Variants in RIMKLB observed in about 807,000 individuals in gnomAD.
RIMKLB encodes beta-citrylglutamate synthase B.
RIMKLB carries 7 observed loss-of-function variants against 32.0 expected under a neutral mutation model. That is an observed-to-expected ratio of 0.22 (90% CI 0.12 to 0.41). The LOEUF is 0.41. RIMKLB is among the 10% of genes least tolerant of loss of function. The probability of loss-of-function intolerance (pLI) is 1.00; values close to 1 mark genes in which losing one functional copy is unlikely to be tolerated. For missense variants in RIMKLB, 289 were observed against 498.7 expected, an observed-to-expected ratio of 0.58 and a Z score of 4.00; for synonymous variants, 172 against 185.1, an observed-to-expected ratio of 0.93 and a Z score of 0.57.
At chr12:8,743,615 C>CCA (rs914649070) in intron 2 of RIMKLB, among the ~76,000 whole-genome samples, 1 of 151,706 alleles carries the variant, frequency 6.6e-6, no homozygotes, top group African/African-American at 2.4e-5. Flanking sequence ...GGAGTTCCCC[C>CCA]ACTTAATTAT....
intron 1 of RIMKLB, among the ~76,000 whole-genome samples, chr12:8,704,999 C>CAA (rs1555148772): frequency 6.6e-6 from 1 of 151,540 alleles, no homozygotes; most frequent in Non-Finnish European, 1.5e-5. Flanking sequence ...CACACACACA[C>CAA]AAAACCCCAA....
chr12:8,760,052 C>T (rs764853565), intron 5 of RIMKLB, among the ~76,000 whole-genome samples: 9 of 152,262 alleles, frequency 5.9e-5, no homozygotes, highest in South Asian at 2.1e-4. Flanking sequence ...CCCATTAACT[C>T]GTCATTTACA....
At chr12:8,762,933 CT>C (rs1004403915) in intron 5 of RIMKLB, among the ~76,000 whole-genome samples, 4 of 152,102 alleles carry the variant, frequency 2.6e-5, no homozygotes, top group East Asian at 1.9e-4. Context: ...CAGTTATGTT[CT>C]TTTTTTTATT....
At chr12:8,746,956 G>A (rs1173749244) in intron 2 of RIMKLB, among the ~76,000 whole-genome samples, 7 of 152,050 alleles carry the variant, frequency 4.6e-5, no homozygotes, top group Non-Finnish European at 1.0e-4. Flanking sequence ...GCCTAGGCTA[G>A]TTTCGAATTC....
chr12:8,711,592 A>G (rs1037797255), intron 1 of RIMKLB, among the ~76,000 whole-genome samples: 2 of 152,126 alleles, frequency 1.3e-5, no homozygotes, highest in Admixed American at 1.3e-4. Context: ...ATATGTATAC[A>G]TGTGACATGC....
intron 2 of RIMKLB, among the ~76,000 whole-genome samples, chr12:8,718,663 A>ATGTGTGTGTGTG (rs1379997821): frequency 3.4e-4 from 39 of 116,024 alleles, no homozygotes; most frequent in African/African-American, 6.0e-5. Context: ...CTATATATAT[A>ATGTGTGTGTGTG]TATATATGTG....
chr12:8,703,691 A>G (rs1274859122), intron 1 of RIMKLB, among the ~76,000 whole-genome samples: 1 of 152,158 alleles, frequency 6.6e-6, no homozygotes, highest in East Asian at 1.9e-4. Flanking sequence ...AAGTACTAGG[A>G]TTACAGGTGT....
At chr12:8,703,642 A>T (rs1943603268) in intron 1 of RIMKLB, among the ~76,000 whole-genome samples, 2 of 151,924 alleles carry the variant, frequency 1.3e-5, no homozygotes, top group Non-Finnish European at 2.9e-5. Context: ...CTGGTCTCAA[A>T]CTCCTGGCCT....
chr12:8,757,458 A>AGGGTG (rs1949136537), intron 5 of RIMKLB, among the ~76,000 whole-genome samples: 1 of 148,710 alleles, frequency 6.7e-6, no homozygotes, highest in South Asian at 2.1e-4. Context: ...GTGACACAGC[A>AGGGTG]AGACCCTGTC....
chr12:8,775,866 G>C lies in RIMKLB; in HGVS notation c.*2082G>C, dbSNP rs1476902. 1.1e-5 allele frequency: 11 copies of C among 984,744 alleles called. No individual in the cohort carries two copies. Among genetic ancestry groups the C allele is most frequent in the African/African-American group, 1.7e-5 (1 of 57,144 alleles). The allele number at this position is 984,744 out of a possible 1,614,324, so 61.0% of individuals were successfully genotyped here. On this transcript the variant is annotated 3_prime_UTR_variant, in exon 6 of 6. Coordinates refer to ENST00000535829, the MANE Select transcript of RIMKLB (RefSeq NM_001297776.2). The stretch of plus-strand genomic sequence containing the variant: ...TTGCATTTAAAAGAACTTATCTTGC[G>C]CAGGGTAAATGGGGGACTCACATAC...
chr12:8,749,721 C>T, intron 2 of RIMKLB, 141 bp from the exon 3 acceptor site: 2 of 584,170 alleles, frequency 3.4e-6, no homozygotes, highest in Non-Finnish European at 6.0e-6. Flanking sequence ...TTTCTTTTTT[C>T]TTAGGAGTAT....
chr12:8,707,038 TGA>T (rs1424544131), intron 1 of RIMKLB, among the ~76,000 whole-genome samples: 1 of 152,182 alleles, frequency 6.6e-6, no homozygotes, highest in Non-Finnish European at 1.5e-5. Context: ...TAAAATTTAA[TGA>T]GAGAGCGTGG....
upstream of RIMKLB, among the ~76,000 whole-genome samples, chr12:8,697,523 TGTGAGGGCG>T (rs1359601205): frequency 6.6e-6 from 1 of 151,630 alleles, no homozygotes; most frequent in East Asian, 1.9e-4. Context: ...AAGCAGGGAA[TGTGAGGGCG>T]GGGAGGGCGT....
At chr12:8,719,537 T>C (rs1945228574) in intron 2 of RIMKLB, among the ~76,000 whole-genome samples, 1 of 152,106 alleles carries the variant, frequency 6.6e-6, no homozygotes, top group African/African-American at 2.4e-5. Context: ...CCCAGCTGAT[T>C]TTTGTATTTT....
chr12:8,698,556 C>T (rs998307441), intron 1 of RIMKLB, among the ~76,000 whole-genome samples: 2 of 152,040 alleles, frequency 1.3e-5, no homozygotes, highest in Non-Finnish European at 2.9e-5. Flanking sequence ...TGCGTGCGAC[C>T]GGGCGAGCCG....
intron 1 of RIMKLB, among the ~76,000 whole-genome samples, chr12:8,684,422 C>G (rs1055030143): frequency 6.6e-6 from 1 of 152,174 alleles, no homozygotes; most frequent in Non-Finnish European, 1.5e-5. Flanking sequence ...ATCCACCCGC[C>G]CCCGCCTCCC....
At chr12:8,704,838 A>G (rs1401398037) in intron 1 of RIMKLB, among the ~76,000 whole-genome samples, 1 of 135,458 alleles carries the variant, frequency 7.4e-6, no homozygotes, top group Non-Finnish European at 1.6e-5. Flanking sequence ...GGAAAAAATT[A>G]GCTGGGTGTG....
chr12:8,739,458 C>T (rs1046612653), intron 2 of RIMKLB, among the ~76,000 whole-genome samples: 4 of 152,012 alleles, frequency 2.6e-5, no homozygotes, highest in Non-Finnish European at 5.9e-5. Context: ...GCTGGGATTA[C>T]AGGTGTGTAC....
At chr12:8,778,498 C>T (rs1006961860), downstream of RIMKLB, among the ~76,000 whole-genome samples, 4 of 152,250 alleles carry the variant, frequency 2.6e-5, no homozygotes, top group South Asian at 8.3e-4. Context: ...TCAAAAATTA[C>T]AGGTTTGAAC....
Sources: gnomAD v4.1 joint callset for allele counts (sites outside exome capture counted in the v4.1 genomes callset) on GRCh38, gnomAD v4.1.1 for gene constraint, MANE v1.5 for transcripts, NCBI Gene and HGNC (gene_info 2026-07-23, HGNC 2026-07-21) for gene names.